Variants in PCDH15 observed in about 807,000 individuals in gnomAD.
The protein encoded by PCDH15 is protocadherin-15.
PCDH15 carries 129 observed loss-of-function variants against 178.5 expected under a neutral mutation model. The observed-to-expected ratio is 0.72, with a 90% CI of 0.63 to 0.84. The LOEUF (loss-of-function observed/expected upper bound fraction) is 0.84. Ranked by LOEUF, PCDH15 falls within the 40% of genes least tolerant of loss-of-function variation. The pLI is 0.00. For missense variants in PCDH15, 2,230 were observed against 2,099.9 expected (o/e 1.06, Z -1.21); for synonymous variants, 800 against 732.0 (o/e 1.09, Z -1.50).
chr10:55,352,379 T>A (rs1300896640), intron 2 of PCDH15, among the ~76,000 whole-genome samples: 1 of 152,132 alleles, frequency 6.6e-6, no homozygotes, highest in Admixed American at 6.6e-5. Flanking sequence ...ACGATGCATT[T>A]GGCTCAGGAG....
rs58985752 is a variant in PCDH15 at position 54,462,495 on chromosome 10, CT to C, written c.157+65316del. 2.2e-3 allele frequency among the ~76,000 whole-genome samples: 171 copies of C among 76,290 alleles called. 1 individual carries two copies. Among genetic ancestry groups the C allele is most frequent in the Middle Eastern group, 8.6e-3 (1 of 116 alleles). The allele number at this position is 76,290 out of a possible 152,430, so 50.0% of individuals were successfully genotyped here. On this transcript the variant is annotated intron_variant, in intron 3 of 37. Transcript: ENST00000644397. ...TTCTTTCTTTCTTTTCTTTTCTTTT[CT>C]TTTTCTTTTTCTTTTCTTTTTTTTT...
intron 2 of PCDH15, among the ~76,000 whole-genome samples, chr10:54,900,729 T>C (rs1007466364): frequency 4.6e-5 from 7 of 152,192 alleles, no homozygotes; most frequent in African/African-American, 1.7e-4. Flanking sequence ...TGAATTTCAC[T>C]ACTGAATAGG....
At chr10:54,269,154 G>A (rs982319069) in intron 8 of PCDH15, among the ~76,000 whole-genome samples, 14 of 151,914 alleles carry the variant, frequency 9.2e-5, no homozygotes, top group African/African-American at 3.4e-4. Context: ...ATTAATTCAA[G>A]TTGTTGTTAG....
chr10:54,719,222 A>T (rs1009711076), intron 1 of PCDH15, among the ~76,000 whole-genome samples: 1 of 152,150 alleles, frequency 6.6e-6, no homozygotes, highest in Non-Finnish European at 1.5e-5. Flanking sequence ...TACAAAATAC[A>T]GTTGAAAGTT....
intron 2 of PCDH15, among the ~76,000 whole-genome samples, chr10:55,038,940 C>T (rs1840801850): frequency 1.3e-5 from 2 of 152,220 alleles, no homozygotes; most frequent in Middle Eastern, 3.4e-3. Context: ...GCTTTGTCCA[C>T]CTTAACCACT....
chr10:55,329,825 G>A (rs1040541930), intron 2 of PCDH15, among the ~76,000 whole-genome samples: 22 of 151,570 alleles, frequency 1.5e-4, no homozygotes, highest in Non-Finnish European at 1.9e-4. Flanking sequence ...CTAAGGATTG[G>A]GCATATTTTT....
At chr10:54,679,704 A>T (rs1296852155) in intron 1 of PCDH15, among the ~76,000 whole-genome samples, 1 of 152,212 alleles carries the variant, frequency 6.6e-6, no homozygotes, top group South Asian at 2.1e-4. Context: ...AAGAAAAACT[A>T]ATAAGAGAAT....
chr10:55,369,470 T>G lies in PCDH15; in HGVS notation c.-155-202819A>C, dbSNP rs191464339. Among the ~76,000 whole-genome samples, 3 of 152,198 alleles carry G rather than the reference T, an allele frequency of 2.0e-5. No homozygotes were observed. The East Asian group carries it at 5.8e-4, about 29-fold the overall frequency. On this transcript the variant is annotated intron_variant, in intron 2 of 5. Coordinates refer to the PCDH15 transcript ENST00000613346. ...AAAAAAGTACCCTTGGTCACAGTGG[T>G]GCAAGAGCATTTATCCAAGAGTGAC...
At chr10:54,872,395 T>C (rs1299668811) in intron 3 of PCDH15, among the ~76,000 whole-genome samples, 1 of 152,132 alleles carries the variant, frequency 6.6e-6, no homozygotes, top group African/African-American at 2.4e-5. Context: ...AACCTAGGTA[T>C]GTATTTCATG....
At chr10:54,493,169 A>G (rs1282415117) in intron 3 of PCDH15, among the ~76,000 whole-genome samples, 2 of 152,130 alleles carry the variant, frequency 1.3e-5, no homozygotes, top group Non-Finnish European at 2.9e-5. Flanking sequence ...ACAGTCAACC[A>G]TATCACACAG....
chr10:53,875,983 T>C (rs1564659713), intron 26 of PCDH15, among the ~76,000 whole-genome samples: 1 of 152,152 alleles, frequency 6.6e-6, no homozygotes, highest in Non-Finnish European at 1.5e-5. Context: ...AACTTTAGCT[T>C]CTCAATTAGA....
At chr10:54,293,423 T>C (rs1219303547) in intron 8 of PCDH15, among the ~76,000 whole-genome samples, 1 of 152,138 alleles carries the variant, frequency 6.6e-6, no homozygotes, top group Non-Finnish European at 1.5e-5. Flanking sequence ...ACTTCATGAC[T>C]AAGACACCAA....
chr10:55,333,275 G>A (rs1204933779), intron 2 of PCDH15, among the ~76,000 whole-genome samples: 1 of 152,112 alleles, frequency 6.6e-6, no homozygotes, highest in Non-Finnish European at 1.5e-5. Flanking sequence ...CTCTGAATCA[G>A]ATTAATACTT....
intron 1 of PCDH15, among the ~76,000 whole-genome samples, chr10:54,793,811 C>A (rs879450179): frequency 6.8e-6 from 1 of 147,712 alleles, no homozygotes; most frequent in African/African-American, 2.5e-5. Context: ...TGTTAAATAG[C>A]GTAATAGGAA....
intron 1 of PCDH15, among the ~76,000 whole-genome samples, chr10:54,673,595 C>T (rs188603274): frequency 1.3e-5 from 2 of 152,066 alleles, no homozygotes; most frequent in Non-Finnish European, 2.9e-5. Flanking sequence ...TGTGCCACCA[C>T]GCACGGCTAA....
At chr10:54,465,029 A>G (rs2077424009) in intron 3 of PCDH15, among the ~76,000 whole-genome samples, 1 of 152,064 alleles carries the variant, frequency 6.6e-6, no homozygotes, top group Non-Finnish European at 1.5e-5. Flanking sequence ...CTCTCACACC[A>G]CTACATTTGT....
intron 2 of PCDH15, among the ~76,000 whole-genome samples, chr10:55,425,934 A>G (rs1356944096): frequency 1.3e-5 from 2 of 152,316 alleles, no homozygotes; most frequent in Non-Finnish European, 2.9e-5. Flanking sequence ...CTGAAAGATT[A>G]ATTATATGTG....
intron 2 of PCDH15, among the ~76,000 whole-genome samples, chr10:54,642,950 T>C (rs911491348): frequency 1.3e-5 from 2 of 152,204 alleles, no homozygotes; most frequent in Non-Finnish European, 2.9e-5. Flanking sequence ...TGGGACAGAA[T>C]CTCGCTCTCT....
Position 54,906,069 on chromosome 10 carries a change from G to C in PCDH15, c.-79-8569C>G, listed in dbSNP as rs183518218. Among the ~76,000 whole-genome samples, 7 of 152,238 alleles carry C rather than the reference G, an allele frequency of 4.6e-5. No homozygotes were observed. The East Asian group carries it at 1.4e-3, about 29-fold the overall frequency. On this transcript the variant is annotated intron_variant, in intron 2 of 5. Transcript: ENST00000458638. ...AAATCTTTCTCTCACCCTAAGGTCA[G>C]AGTGAGCTTCCTTCAGGCATTAAAC... is the stretch of plus-strand genomic sequence containing the variant.
Sources: gnomAD v4.1 joint callset for allele counts (sites outside exome capture counted in the v4.1 genomes callset) on GRCh38, gnomAD v4.1.1 for gene constraint, MANE v1.5 for transcripts, NCBI Gene and HGNC (gene_info 2026-07-23, HGNC 2026-07-21) for gene names.